GPC5: variants seen among roughly 807,000 people sequenced by gnomAD.
GPC5 encodes the protein glypican-5.
In GPC5, 47 loss-of-function variants were observed where a neutral mutation model predicts 53.9. That is an observed-to-expected ratio of 0.87 (90% CI 0.69 to 1.11). GPC5 has a LOEUF of 1.11. GPC5 is among the 50% of genes most tolerant of loss of function. The probability of loss-of-function intolerance (pLI) is 0.00; values close to 1 mark genes in which losing one functional copy is unlikely to be tolerated. For missense variants in GPC5, 748 were observed against 713.1 expected (o/e 1.05, Z -0.56); for synonymous variants, 286 against 263.3 (o/e 1.09, Z -0.84).
intron 4 of GPC5, among the ~76,000 whole-genome samples, chr13:91,733,690 A>T (rs2036751968): frequency 1.3e-5 from 2 of 152,142 alleles, no homozygotes; most frequent in Non-Finnish European, 2.9e-5. Flanking sequence ...TTATCCTGAG[A>T]CTTTGCTGAA....
chr13:92,348,590 T>A (rs1383967912), intron 7 of GPC5, among the ~76,000 whole-genome samples: 1 of 152,030 alleles, frequency 6.6e-6, no homozygotes, highest in Non-Finnish European at 1.5e-5. Flanking sequence ...CTAACAGACA[T>A]AAACAGAACA....
intron 6 of GPC5, among the ~76,000 whole-genome samples, chr13:92,002,588 G>C (rs975006470): frequency 3.3e-5 from 5 of 151,944 alleles, no homozygotes; most frequent in African/African-American, 1.2e-4. Flanking sequence ...GAAACATAAG[G>C]GATACATTTG....
At chr13:92,254,044 A>C (rs919660447) in intron 7 of GPC5, among the ~76,000 whole-genome samples, 1 of 152,122 alleles carries the variant, frequency 6.6e-6, no homozygotes, top group African/African-American at 2.4e-5. Context: ...AGATGGAAGA[A>C]GAAAAAGTTC....
intron 2 of GPC5, among the ~76,000 whole-genome samples, chr13:91,594,625 TTG>T (rs2032923299): frequency 5.2e-5 from 2 of 38,392 alleles, no homozygotes; most frequent in Non-Finnish European, 3.9e-4. Flanking sequence ...CTTTTTCTTT[TTG>T]TTTTTTTTTC....
At chr13:91,680,695 A>G (rs749189799) in intron 2 of GPC5, among the ~76,000 whole-genome samples, 1 of 152,236 alleles carries the variant, frequency 6.6e-6, no homozygotes, top group Admixed American at 6.5e-5. Context: ...TGAAAAGCCT[A>G]TTAAATGAAA....
rs145471798 is a variant in GPC5 at position 92,673,540 on chromosome 13, G to C, written c.1562-192742G>C. On this transcript the variant is annotated intron_variant, in intron 7 of 7. Coordinates refer to ENST00000377067, the MANE Select transcript of GPC5 (RefSeq NM_004466.6). The stretch of plus-strand genomic sequence containing the variant: ...CACCTCCCCAACTGCTGGGATTACA[G>C]GCATGAGCCACCACACCCAGCCAAA... 1.2e-4 allele frequency among the ~76,000 whole-genome samples: 19 copies of C among 152,168 alleles called. No homozygotes were observed. In the East Asian group the frequency reaches 3.7e-3, roughly 29 times the overall value.
chr13:92,387,864 G>T (rs1010135858), intron 7 of GPC5, among the ~76,000 whole-genome samples: 4 of 152,022 alleles, frequency 2.6e-5, no homozygotes, highest in African/African-American at 9.7e-5. Context: ...AAGATATTCC[G>T]TGTAAGGCAT....
At chr13:92,387,189 C>T (rs945819423) in intron 7 of GPC5, among the ~76,000 whole-genome samples, 4 of 152,004 alleles carry the variant, frequency 2.6e-5, no homozygotes, top group Non-Finnish European at 5.9e-5. Flanking sequence ...CTCATTCAAC[C>T]ATTCTATTTT....
At chr13:91,856,498 T>C (rs1284439129) in intron 5 of GPC5, among the ~76,000 whole-genome samples, 2 of 151,642 alleles carry the variant, frequency 1.3e-5, no homozygotes, top group African/African-American at 2.4e-5. Context: ...TTGTCATTTT[T>C]TCAATTCTGC....
At chr13:92,541,033 G>T (rs1881915217) in intron 7 of GPC5, among the ~76,000 whole-genome samples, 1 of 151,782 alleles carries the variant, frequency 6.6e-6, no homozygotes, top group South Asian at 2.1e-4. Flanking sequence ...GAAGATTCAA[G>T]TAAATAAGGA....
At chr13:92,124,090 T>C (rs1266486456) in intron 6 of GPC5, among the ~76,000 whole-genome samples, 1 of 151,112 alleles carries the variant, frequency 6.6e-6, no homozygotes, top group Non-Finnish European at 1.5e-5. Flanking sequence ...ATATAAACAA[T>C]ATAAATAACC....
chr13:92,609,982 G>C (rs1454796793), intron 7 of GPC5, among the ~76,000 whole-genome samples: 1 of 121,416 alleles, frequency 8.2e-6, no homozygotes, highest in Non-Finnish European at 1.6e-5. Context: ...GGTGAGCCTA[G>C]ATCATGCCAC....
rs530086649 is a variant in GPC5, at chr13:91,913,166, C to T, written c.1401+5109C>T. Among the ~76,000 whole-genome samples, 58 of 152,056 alleles carry T rather than the reference C, an allele frequency of 3.8e-4. 1 individual carries two copies. Among genetic ancestry groups the T allele is most frequent in the African/African-American group, 1.4e-3 (57 of 41,466 alleles). On this transcript the variant is annotated intron_variant, in intron 6 of 7. Coordinates refer to ENST00000377067, the MANE Select transcript of GPC5 (RefSeq NM_004466.6). ...CTGTAATCCCAGCATTTTGAGAGGC[C>T]GAGGTGGGCGGATCACGAGGTCAGG...
At chr13:92,369,860 ACTAT>A (rs1012391709) in intron 7 of GPC5, among the ~76,000 whole-genome samples, 2 of 152,260 alleles carry the variant, frequency 1.3e-5, no homozygotes, top group African/African-American at 4.8e-5. Flanking sequence ...ACAAGAATTT[ACTAT>A]CTACTTTTAA....
chr13:92,003,775 G>A (rs2040578877), intron 6 of GPC5, among the ~76,000 whole-genome samples: 1 of 152,068 alleles, frequency 6.6e-6, no homozygotes, highest in African/African-American at 2.4e-5. Context: ...CATCTACTGT[G>A]AACAATAATA....
intron 7 of GPC5, among the ~76,000 whole-genome samples, chr13:92,765,334 T>C (rs1232355565): frequency 6.6e-6 from 1 of 152,220 alleles, no homozygotes; most frequent in African/African-American, 2.4e-5. Flanking sequence ...TATAAAATGA[T>C]AGGGTTTTTA....
At chr13:92,552,272 C>T (rs962176330) in intron 7 of GPC5, among the ~76,000 whole-genome samples, 8 of 151,904 alleles carry the variant, frequency 5.3e-5, no homozygotes, top group African/African-American at 1.9e-4. Context: ...AGTTAAGTTA[C>T]AGTCCTCGCC....
At chr13:92,411,941 C>A (rs1361482642) in intron 7 of GPC5, among the ~76,000 whole-genome samples, 1 of 152,098 alleles carries the variant, frequency 6.6e-6, no homozygotes, top group Non-Finnish European at 1.5e-5. Context: ...AAAGTAATGG[C>A]AAGATCACAA....
intron 7 of GPC5, among the ~76,000 whole-genome samples, chr13:92,385,693 C>T (rs1356659925): frequency 3.7e-5 from 5 of 134,762 alleles, no homozygotes; most frequent in Non-Finnish European, 1.6e-5. Flanking sequence ...ACATATATAC[C>T]TATATACACA....
Sources: gnomAD v4.1 joint callset for allele counts (sites outside exome capture counted in the v4.1 genomes callset) on GRCh38, gnomAD v4.1.1 for gene constraint, MANE v1.5 for transcripts, NCBI Gene and HGNC (gene_info 2026-07-23, HGNC 2026-07-21) for gene names.